PRKCH: variants seen among roughly 807,000 people sequenced by gnomAD.
PRKCH encodes the protein protein kinase C eta.
PRKCH carries 28 observed loss-of-function variants against 82.5 expected under a neutral mutation model. The observed-to-expected ratio is 0.34, with a 90% CI of 0.25 to 0.47. The LOEUF (loss-of-function observed/expected upper bound fraction) is 0.47, where lower values mean the gene tolerates loss of function less well. Among genes scored for constraint, PRKCH ranks in the 20% least tolerant of loss-of-function variants. PRKCH has a pLI of 1.00. For synonymous variants in PRKCH, 322 were observed against 327.4 expected, an observed-to-expected ratio of 0.98 and a Z score of 0.18; for missense variants, 705 against 881.8, an observed-to-expected ratio of 0.80 and a Z score of 2.54.
At chr14:61,423,794 C>T (rs1031653209) in intron 2 of PRKCH, among the ~76,000 whole-genome samples, 1 of 152,134 alleles carries the variant, frequency 6.6e-6, no homozygotes, top group African/African-American at 2.4e-5. Context: ...AGTCTGTTGT[C>T]CTCGACCCCA....
chr14:61,341,948 GC>G (rs1472900193), intron 1 of PRKCH, among the ~76,000 whole-genome samples: 2 of 152,108 alleles, frequency 1.3e-5, no homozygotes, highest in Non-Finnish European at 2.9e-5. Flanking sequence ...CCTGGTAGGT[GC>G]TGAGTAAATG....
intron 1 of PRKCH, among the ~76,000 whole-genome samples, chr14:61,236,720 A>AC (rs1356379938): frequency 2.0e-5 from 3 of 147,898 alleles, no homozygotes; most frequent in African/African-American, 5.0e-5. Context: ...CAAAAAAAAA[A>AC]AAAAAAAAAA....
intron 1 of PRKCH, chr14:61,361,041 C>G (rs1261025245): frequency 6.6e-6 from 1 of 152,210 alleles, no homozygotes; most frequent in Non-Finnish European, 1.5e-5. Context: ...ACAGGTGACT[C>G]CCACCTGGGT....
intron 2 of PRKCH, among the ~76,000 whole-genome samples, chr14:61,426,976 T>G (rs1328196005): frequency 6.6e-6 from 1 of 152,226 alleles, no homozygotes; most frequent in Non-Finnish European, 1.5e-5. Context: ...AGGTTTATTC[T>G]GAGCCAAATA....
intron 9 of PRKCH, among the ~76,000 whole-genome samples, chr14:61,485,167 C>G (rs7154117): frequency 0.013 from 2,026 of 152,216 alleles, 42 homozygotes; most frequent in African/African-American, 0.046. Context: ...AGGCATTTAC[C>G]TTTCGATTTA....
chr14:61,391,531 G>C (rs964125354), intron 2 of PRKCH, among the ~76,000 whole-genome samples: 7 of 152,156 alleles, frequency 4.6e-5, no homozygotes, highest in African/African-American at 1.7e-4. Context: ...ATGAGTTTTT[G>C]TTTTTAGCCA....
At chr14:61,256,780 A>C (rs1757321388) in intron 1 of PRKCH, among the ~76,000 whole-genome samples, 1 of 152,202 alleles carries the variant, frequency 6.6e-6, no homozygotes, top group Non-Finnish European at 1.5e-5. Flanking sequence ...TCATGAAAGA[A>C]ACCTTATATA....
chr14:61,189,175 G>A (rs886932578), intron 1 of PRKCH, among the ~76,000 whole-genome samples: 2 of 152,240 alleles, frequency 1.3e-5, no homozygotes, highest in Admixed American at 6.5e-5. Flanking sequence ...CCCGGGCAGC[G>A]TCCGCGCTCC....
At chr14:61,348,427 C>A (rs941552352) in intron 1 of PRKCH, among the ~76,000 whole-genome samples, 5 of 152,170 alleles carry the variant, frequency 3.3e-5, no homozygotes, top group African/African-American at 9.6e-5. Context: ...ACAAAGTTTG[C>A]TTGGGGAAAC....
upstream of PRKCH, among the ~76,000 whole-genome samples, chr14:61,318,868 T>C (rs1187482276): frequency 6.6e-6 from 1 of 152,142 alleles, no homozygotes; most frequent in Admixed American, 6.5e-5. Flanking sequence ...TTTTAGTTTT[T>C]ATTTTTTGTA....
intron 1 of PRKCH, among the ~76,000 whole-genome samples, chr14:61,209,585 AATGTC>A (rs1437334965): frequency 2.0e-5 from 3 of 152,126 alleles, no homozygotes; most frequent in Admixed American, 1.3e-4. Flanking sequence ...CAAATTACAG[AATGTC>A]AGACATAGAC....
At chr14:61,281,294 C>T (rs556920045) in intron 1 of PRKCH, 115 of 404,630 alleles carry the variant, frequency 2.8e-4, no homozygotes, top group African/African-American at 2.4e-3. Flanking sequence ...GGCCCCTCCT[C>T]TGCCTCCGTC....
intron 1 of PRKCH, among the ~76,000 whole-genome samples, chr14:61,224,674 T>A (rs2044682731): frequency 6.6e-6 from 1 of 152,194 alleles, no homozygotes; most frequent in South Asian, 2.1e-4. Context: ...TCACATCATA[T>A]CCGGAGATCC....
At chr14:61,489,685 A>C (rs537558212) in intron 10 of PRKCH, among the ~76,000 whole-genome samples, 1 of 152,220 alleles carries the variant, frequency 6.6e-6, no homozygotes, top group East Asian at 1.9e-4. Flanking sequence ...AAAGAAGACT[A>C]TTCATTCTTT....
chr14:61,325,914 GT>G (rs964344094), intron 1 of PRKCH, among the ~76,000 whole-genome samples: 8 of 152,106 alleles, frequency 5.3e-5, no homozygotes, highest in African/African-American at 1.9e-4. Context: ...TGAGATCTCA[GT>G]ATGTTCCCAC....
Position 61,408,434 on chromosome 14 carries a change from C to T in PRKCH, c.427+17146C>T, listed in dbSNP as rs576261236. On this transcript the variant is annotated intron_variant, in intron 2 of 13. Transcript: ENST00000332981. ...CTGTTAATCCTTACAGTCAAAATTT[C>T]CTGGGAATTGCTATTGGGGATCTGT... Among the ~76,000 whole-genome samples, 7 of 152,244 alleles carry T rather than the reference C, an allele frequency of 4.6e-5. 1 individual carries two copies. Among genetic ancestry groups the T allele is most frequent in the African/African-American group, 1.7e-4 (7 of 41,532 alleles).
chr14:61,422,788 T>G (rs150366320), intron 2 of PRKCH, among the ~76,000 whole-genome samples: 177 of 152,304 alleles, frequency 1.2e-3, no homozygotes, highest in African/African-American at 3.7e-3. Flanking sequence ...AGTCTAGGCA[T>G]CCCCATTTTT....
chr14:61,209,310 TAA>T (rs6145367), intron 1 of PRKCH, among the ~76,000 whole-genome samples: 932 of 92,736 alleles, frequency 0.01, 7 homozygotes, highest in African/African-American at 0.017. Flanking sequence ...TGCCTTTATT[TAA>T]AAAAAAAAAA....
chr14:61,379,003 T>C (rs964358296), intron 1 of PRKCH, among the ~76,000 whole-genome samples: 1 of 152,208 alleles, frequency 6.6e-6, no homozygotes, highest in African/African-American at 2.4e-5. Flanking sequence ...CTTGTAACTT[T>C]CCTGATTGAA....
Sources: gnomAD v4.1 joint callset for allele counts (sites outside exome capture counted in the v4.1 genomes callset) on GRCh38, gnomAD v4.1.1 for gene constraint, MANE v1.5 for transcripts, NCBI Gene and HGNC (gene_info 2026-07-23, HGNC 2026-07-21) for gene names.